The following DDX46 variants were observed in gnomAD, a reference collection of about 807,000 sequenced individuals.
DDX46 encodes the protein DEAD-box helicase 46.
DDX46 carries 30 observed loss-of-function variants against 134.9 expected under a neutral mutation model. The observed-to-expected ratio is 0.22, with a 90% CI of 0.17 to 0.30. The LOEUF is 0.30. Among genes scored for constraint, DDX46 ranks in the 10% least tolerant of loss-of-function variants. The pLI is 1.00. For synonymous variants in DDX46, 415 were observed against 404.1 expected (o/e 1.03, Z -0.32); for missense variants, 622 against 1,248.7 (o/e 0.50, Z 7.56).
intron 21 of DDX46, among the ~76,000 whole-genome samples, chr5:134,823,361 G>A (rs1392473702): frequency 1.3e-5 from 2 of 151,628 alleles, no homozygotes; most frequent in Admixed American, 6.6e-5. Context: ...GGATGGTCTC[G>A]ATCTCCTGAC....
chr5:134,772,534 G>A (rs1172238393), intron 4 of DDX46, among the ~76,000 whole-genome samples: 3 of 151,798 alleles, frequency 2.0e-5, no homozygotes, highest in Admixed American at 1.3e-4. Context: ...AAAAAATGTA[G>A]ACTTAAGAAT....
At chr5:134,795,500 G>C (rs1275089694) in intron 14 of DDX46, among the ~76,000 whole-genome samples, 1 of 152,188 alleles carries the variant, frequency 6.6e-6, no homozygotes, top group Non-Finnish European at 1.5e-5. Flanking sequence ...TTAAAGACAA[G>C]TAAAATAAAA....
At chr5:134,795,225 T>G (rs866726498) in intron 14 of DDX46, among the ~76,000 whole-genome samples, 148 of 151,238 alleles carry the variant, frequency 9.8e-4, no homozygotes, top group South Asian at 7.7e-3. Context: ...TTTTTGTTTT[T>G]TTTTTGCTGG....
chr5:134,800,667 T>TTTTG (rs559974001), intron 15 of DDX46, among the ~76,000 whole-genome samples: 17 of 152,054 alleles, frequency 1.1e-4, no homozygotes, highest in Admixed American at 2.0e-4. Context: ...TCGTGTGTGT[T>TTTTG]TTTGTTTGTT....
At chr5:134,787,913 G>A (rs1023690497) in intron 11 of DDX46, among the ~76,000 whole-genome samples, 1 of 151,472 alleles carries the variant, frequency 6.6e-6, no homozygotes, top group African/African-American at 2.4e-5. Context: ...GGTGGTGGGG[G>A]GAGGGGCTGA....
intron 8 of DDX46, among the ~76,000 whole-genome samples, chr5:134,782,680 A>G (rs1020606786): frequency 1.3e-5 from 2 of 151,848 alleles, no homozygotes; most frequent in Admixed American, 6.6e-5. Context: ...AGCTGGGACT[A>G]CAGACATGTG....
chr5:134,809,366 G>A (rs1282509408), intron 16 of DDX46, among the ~76,000 whole-genome samples: 2 of 152,008 alleles, frequency 1.3e-5, no homozygotes, highest in African/African-American at 2.4e-5. Context: ...AGATATTTCT[G>A]TTTTTGTTTT....
rs1160179813 is a variant in DDX46 at position 134,811,704 on chromosome 5, A to C, written c.2295A>C (p.Lys765Asn). 3.8e-6 allele frequency: 6 copies of C among 1,588,986 alleles called. No individual in the cohort carries two copies. Among genetic ancestry groups the C allele is most frequent in the Non-Finnish European group, 5.1e-6 (6 of 1,173,042 alleles). ...DFKDQQKAEG[K>N]IIKKSSGFSG... Reference sequence around the variant, plus strand: ...TTTTCTTTTTTTGAAAGGAGGGGAAAATAATTAAAAAGAGTAGTGGGTTCT... The same window carrying C: ...TTTTCTTTTTTTGAAAGGAGGGGAACATAATTAAAAAGAGTAGTGGGTTCT... Residue 765 changes from lysine to asparagine, a missense_variant, in exon 18 of 23, where the codon AAA becomes AAC. Physicochemically the swap from Lys to Asn is moderately conservative, Grantham distance 94. Transcript: ENST00000452510.
intron 15 of DDX46, among the ~76,000 whole-genome samples, chr5:134,802,873 C>T (rs1179023959): frequency 6.6e-6 from 1 of 151,960 alleles, no homozygotes; most frequent in African/African-American, 2.4e-5. Flanking sequence ...CTCTGATGTC[C>T]CCGTCAAGTG....
At chr5:134,778,167 C>T (rs1754006927) in intron 6 of DDX46, among the ~76,000 whole-genome samples, 1 of 151,632 alleles carries the variant, frequency 6.6e-6, no homozygotes, top group South Asian at 2.1e-4. Context: ...TACATGTGTG[C>T]ACCACCATGC....
Position 134,777,625 on chromosome 5 carries a change from G to A in DDX46, c.665G>A (p.Gly222Asp), listed in dbSNP as rs1276963645. Reference protein sequence around the residue: ...EAEKEGNEMEGEELDPLDAYM... With the variant: ...EAEKEGNEMEDEELDPLDAYM... ...GAAAAGGAGGGAAATGAAATGGAGGGTGAGGAGTTAGATCCATTAGATGCT... is the reference window on the plus strand; with the variant it reads ...GAAAAGGAGGGAAATGAAATGGAGGATGAGGAGTTAGATCCATTAGATGCT... The change falls in exon 6 of 23, where the codon GGT (glycine) becomes GAT (aspartate). Residue 222 changes from glycine (G) to aspartate (D), a missense_variant. By Grantham distance (94) the Gly-to-Asp change is moderately conservative (BLOSUM62 -1). This residue lies in a region of DDX46 where 244 missense variants were observed against 349.3 expected (regional missense o/e 0.70). Coordinates refer to ENST00000452510, the MANE Select transcript of DDX46 (RefSeq NM_001300860.2). The A allele has an allele frequency of 6.2e-7, 1 of 1,613,638 alleles. No homozygotes were observed. The highest frequency in any genetic ancestry group is 1.1e-5 in the South Asian group (1 of 91,032).
In DDX46 at chr5:134,763,919, A is replaced by C. The variant is rs146892491; in HGVS notation, c.33A>C (p.Arg11=). The change falls in exon 2 of 23, where the codon CGA becomes CGC. Residue 11 remains arginine, a synonymous_variant. Coordinates refer to ENST00000452510, the MANE Select transcript of DDX46 (RefSeq NM_001300860.2). ...ATTGTTCTAGCCACTATCGAAAACG[A>C]TCGGCATCCCGGGGTCGCTCTGGAA... MGRESRHYRK[R]SASRGRSGSR... 8.2e-5 allele frequency: 132 copies of C among 1,613,970 alleles called. No homozygotes were observed. Among genetic ancestry groups the C allele is most frequent in the Non-Finnish European group, 1.0e-4 (119 of 1,180,000 alleles).
chr5:134,763,790 A>T (rs1753470222), intron 1 of DDX46, 114 bp from the exon 2 acceptor site: 1 of 1,253,648 alleles, frequency 8.0e-7, no homozygotes, highest in African/African-American at 1.5e-5. Flanking sequence ...AAATTCATAA[A>T]AAGTTCTTTG....
At chr5:134,770,853 C>T (rs1415370463) in intron 3 of DDX46, 50 bp from the exon 4 acceptor site, 5 of 1,400,488 alleles carry the variant, frequency 3.6e-6, no homozygotes, top group Middle Eastern at 2.2e-4. Flanking sequence ...ATGAATGTTT[C>T]TAAGTACAAA....
chr5:134,828,590 G>T (rs1383161174), intron 22 of DDX46, 69 bp from the exon 23 acceptor site: 19 of 1,006,776 alleles, frequency 1.9e-5, no homozygotes, highest in Non-Finnish European at 2.1e-5. Context: ...TGGTTGGTTG[G>T]TTCGTTTTTT....
chr5:134,789,898 T>C (rs1355179713), intron 12 of DDX46, among the ~76,000 whole-genome samples: 2 of 152,240 alleles, frequency 1.3e-5, no homozygotes, highest in Admixed American at 6.5e-5. Context: ...TGTGTTTTGG[T>C]ATTTAAAGTT....
intron 15 of DDX46, among the ~76,000 whole-genome samples, chr5:134,806,519 A>G (rs1165061606): frequency 3.3e-5 from 5 of 152,224 alleles, no homozygotes; most frequent in Non-Finnish European, 7.3e-5. Flanking sequence ...GGTATTTTCA[A>G]ATTATAAACA....
rs532065383 is a variant in DDX46 at position 134,795,434 on chromosome 5, A to G, written c.1791+420A>G. On this transcript the variant is annotated intron_variant, in intron 14 of 22. Coordinates refer to ENST00000452510, the MANE Select transcript of DDX46 (RefSeq NM_001300860.2). Reference sequence around the variant, plus strand: ...AGAACAGGTCAAAACTTTTGTGCTGATTGTAGTTGGAGCACATCTGTGAAT... The same window carrying G: ...AGAACAGGTCAAAACTTTTGTGCTGGTTGTAGTTGGAGCACATCTGTGAAT... Among the ~76,000 whole-genome samples, 15 of 152,204 alleles carry G rather than the reference A, an allele frequency of 9.9e-5. No homozygotes were observed. The East Asian group carries it at 1.7e-3, about 18-fold the overall frequency.
In DDX46 at chr5:134,763,889, G is replaced by T. The variant is rs1281411957; in HGVS notation, c.18-15G>T. The stretch of plus-strand genomic sequence containing the variant: ...ATGGTGTTTGCTGAACTTAATCTTT[G>T]ACTTATTGTTCTAGCCACTATCGAA... On this transcript the variant is annotated splice_polypyrimidine_tract_variant and intron_variant, in intron 1 of 22. Transcript: ENST00000452510. 2.5e-6 allele frequency: 4 copies of T among 1,601,192 alleles called. No homozygotes were observed. The highest frequency in any genetic ancestry group is 3.4e-6 in the Non-Finnish European group (4 of 1,173,638).
Sources: gnomAD v4.1 joint callset for allele counts (sites outside exome capture counted in the v4.1 genomes callset) on GRCh38, gnomAD v4.1.1 for gene constraint, gnomAD v4.1.1 regional missense constraint, MANE v1.5 for transcripts, NCBI Gene and HGNC (gene_info 2026-07-23, HGNC 2026-07-21) for gene names.